Variants in GALNT13 observed in about 807,000 individuals in gnomAD.
GALNT13 encodes the protein UDP-GalNAc:polypeptide N-acetylgalactosaminyltransferase 13.
Under a neutral mutation model 64.2 loss-of-function variants are expected in GALNT13, and 28 were observed. That is an observed-to-expected ratio of 0.44 (90% CI 0.32 to 0.60). GALNT13 has a LOEUF of 0.60. Among genes scored for constraint, GALNT13 ranks in the 20% least tolerant of loss-of-function variants. The pLI is 0.05. For synonymous variants in GALNT13, 214 were observed against 224.6 expected, an observed-to-expected ratio of 0.95 and a Z score of 0.42; for missense variants, 577 against 669.8, an observed-to-expected ratio of 0.86 and a Z score of 1.53.
chr2:153,474,105 G>A, the GALNT13 span, among the ~76,000 whole-genome samples: 4 of 151,788 alleles, frequency 2.6e-5, no homozygotes, highest in African/African-American at 7.3e-5. Context: ...CAGTAGAGGA[G>A]CACTTGTCTT....
At chr2:154,152,371 C>T (rs1433842837) in intron 4 of GALNT13, among the ~76,000 whole-genome samples, 2 of 152,028 alleles carry the variant, frequency 1.3e-5, no homozygotes, top group Admixed American at 6.6e-5. Flanking sequence ...ACATTTTTTC[C>T]TTCATTTCAG....
At chr2:153,393,959 C>T in the GALNT13 span, among the ~76,000 whole-genome samples, 3 of 92,320 alleles carry the variant, frequency 3.2e-5, no homozygotes, top group African/African-American at 4.8e-5. Context: ...CACACACACA[C>T]ACACACACAC....
At chr2:153,435,410 T>C in the GALNT13 span, among the ~76,000 whole-genome samples, 1 of 152,152 alleles carries the variant, frequency 6.6e-6, no homozygotes, top group Non-Finnish European at 1.5e-5. Flanking sequence ...ATCTATAAAT[T>C]ACCTTGGGCA....
the GALNT13 span, among the ~76,000 whole-genome samples, chr2:153,722,082 A>G: frequency 1.3e-5 from 2 of 149,878 alleles, no homozygotes; most frequent in Non-Finnish European, 2.9e-5. Flanking sequence ...GAAAATGTAA[A>G]AGAACAGAAA....
At chr2:153,999,778 TTTG>T (rs1211479985) in intron 3 of GALNT13, among the ~76,000 whole-genome samples, 1 of 152,090 alleles carries the variant, frequency 6.6e-6, no homozygotes, top group Non-Finnish European at 1.5e-5. Context: ...TGTAGTTTGT[TTTG>T]TTGTTGTGTT....
At chr2:153,478,776 C>G in the GALNT13 span, 1 of 527,944 alleles carries the variant, frequency 1.9e-6, no homozygotes, top group Non-Finnish European at 3.4e-6. Flanking sequence ...GCCGTCCGCT[C>G]CAGCCCTGGT....
chr2:153,845,907 G>C, the GALNT13 span, among the ~76,000 whole-genome samples: 7 of 152,028 alleles, frequency 4.6e-5, no homozygotes, highest in Non-Finnish European at 7.4e-5. Context: ...GAGCAAAGCT[G>C]GTTTCTCAAC....
At chr2:154,096,749 G>T (rs540055063) in intron 3 of GALNT13, among the ~76,000 whole-genome samples, 1 of 152,134 alleles carries the variant, frequency 6.6e-6, no homozygotes, top group East Asian at 1.9e-4. Context: ...ACTATGAAGA[G>T]CACCAATAAA....
chr2:153,099,540 A>G, the GALNT13 span, among the ~76,000 whole-genome samples: 5 of 152,200 alleles, frequency 3.3e-5, no homozygotes, highest in African/African-American at 1.2e-4. Flanking sequence ...ATTTAGAAAG[A>G]TTTTATTAAA....
chr2:153,819,693 A>T, the GALNT13 span, among the ~76,000 whole-genome samples: 1 of 152,254 alleles, frequency 6.6e-6, no homozygotes, highest in African/African-American at 2.4e-5. Flanking sequence ...TCTTTCCTGC[A>T]AGCACCATCT....
the GALNT13 span, among the ~76,000 whole-genome samples, chr2:153,663,719 A>G: frequency 3.3e-5 from 5 of 152,206 alleles, no homozygotes; most frequent in Admixed American, 2.6e-4. Context: ...TTTATTGTCT[A>G]CATAGTGCCT....
chr2:153,110,413 T>G, the GALNT13 span, among the ~76,000 whole-genome samples: 1 of 152,162 alleles, frequency 6.6e-6, no homozygotes, highest in African/African-American at 2.4e-5. Flanking sequence ...TTCTAAGTCT[T>G]TGGTAAAGGA....
At chr2:154,208,642 G>C (rs918483886) in intron 4 of GALNT13, among the ~76,000 whole-genome samples, 1 of 139,348 alleles carries the variant, frequency 7.2e-6, no homozygotes, top group Non-Finnish European at 1.6e-5. Flanking sequence ...GTGTGTGTGT[G>C]TGTGTGTGTG....
At chr2:153,967,365 CCTT>C (rs1397513599) in intron 3 of GALNT13, among the ~76,000 whole-genome samples, 1 of 152,154 alleles carries the variant, frequency 6.6e-6, no homozygotes, top group Non-Finnish European at 1.5e-5. Context: ...TTGTACTCAT[CCTT>C]CTTTAGAGAG....
chr2:153,260,035 A>G, the GALNT13 span, among the ~76,000 whole-genome samples: 6 of 151,974 alleles, frequency 3.9e-5, 1 homozygote, highest in African/African-American at 9.6e-5. Flanking sequence ...TTCATTTTAA[A>G]CCAATAACAA....
intron 3 of GALNT13, among the ~76,000 whole-genome samples, chr2:154,045,426 G>A (rs775161308): frequency 1.3e-5 from 2 of 152,150 alleles, no homozygotes; most frequent in African/African-American, 2.4e-5. Context: ...TTACTGACAC[G>A]AAATGCTCTT....
the GALNT13 span, chr2:153,478,944 G>C: frequency 6.0e-5 from 15 of 250,304 alleles, no homozygotes; most frequent in Middle Eastern, 2.2e-3. Flanking sequence ...CGCGCTGCGC[G>C]CTGCTCTTGG....
chr2:153,155,837 T>C, the GALNT13 span, among the ~76,000 whole-genome samples: 1 of 152,144 alleles, frequency 6.6e-6, no homozygotes, highest in Non-Finnish European at 1.5e-5. Context: ...TTGAAAAATT[T>C]GACATTTTTC....
intron 9 of GALNT13, among the ~76,000 whole-genome samples, chr2:154,352,459 T>C (rs559022195): frequency 9.5e-4 from 144 of 152,370 alleles, no homozygotes; most frequent in African/African-American, 3.2e-3. Flanking sequence ...GGCACAGTTC[T>C]AGGTGCTGTT....
Sources: allele counts gnomAD v4.1 joint callset (sites outside exome capture counted in the v4.1 genomes callset), GRCh38; gene constraint gnomAD v4.1.1; transcripts MANE v1.5; gene names NCBI Gene and HGNC (gene_info 2026-07-23, HGNC 2026-07-21).